Variants in PRKCH observed in about 807,000 individuals in gnomAD.
The protein encoded by PRKCH is protein kinase C eta type.
PRKCH carries 28 observed loss-of-function variants against 82.5 expected under a neutral mutation model. That is an observed-to-expected ratio of 0.34 (90% CI 0.25 to 0.47). The LOEUF is 0.47. PRKCH is among the 20% of genes least tolerant of loss of function. PRKCH has a pLI of 1.00. For missense variants in PRKCH, 705 were observed against 881.8 expected (o/e 0.80, Z 2.54); for synonymous variants, 322 against 327.4 (o/e 0.98, Z 0.18).
chr14:61,321,302 C>A (rs2045616474), upstream of PRKCH, among the ~76,000 whole-genome samples: 1 of 152,204 alleles, frequency 6.6e-6, no homozygotes, highest in Non-Finnish European at 1.5e-5. The surrounding 1 kb of genome is among the most constrained non-coding windows in gnomAD (Gnocchi z 4.1). Context: ...TCTGCGTCCT[C>A]CCAACCTTCC....
chr14:61,458,703 T>C (rs1207589130), intron 9 of PRKCH, among the ~76,000 whole-genome samples: 1 of 152,070 alleles, frequency 6.6e-6, no homozygotes, highest in Non-Finnish European at 1.5e-5. Context: ...TCAAGAAACT[T>C]ACAGTCATAG....
At chr14:61,224,122 A>C (rs1454872415) in intron 1 of PRKCH, among the ~76,000 whole-genome samples, 1 of 151,660 alleles carries the variant, frequency 6.6e-6, no homozygotes. Flanking sequence ...ACCCAGTCCC[A>C]CTCCCCTGTA....
rs569715280 is a variant in PRKCH at position 61,232,191 on chromosome 14, G to C, written c.-19+44523G>C. Among the ~76,000 whole-genome samples the C allele has an allele frequency of 2.0e-5, 3 of 152,284 alleles. No homozygotes were observed. In the East Asian group the frequency reaches 5.8e-4, roughly 29 times the overall value. On this transcript the variant is annotated intron_variant, in intron 1 of 3. Transcript: ENST00000555185. ...GTTAGAATGGCTCACAGAACACAGG[G>C]AAACACTTATGTTTACCAGTTCGTT... is the stretch of plus-strand genomic sequence containing the variant.
chr14:61,225,928 C>T (rs369975409), intron 1 of PRKCH, among the ~76,000 whole-genome samples: 2 of 151,864 alleles, frequency 1.3e-5, no homozygotes, highest in African/African-American at 2.4e-5. Context: ...TTTGTAAAGC[C>T]GGGGTTTTGT....
intron 3 of PRKCH, 108 bp downstream of exon 3, chr14:61,443,369 G>T: frequency 8.1e-7 from 1 of 1,236,342 alleles, no homozygotes; most frequent in Admixed American, 3.2e-5. Context: ...ATTCTTTCAG[G>T]ATCTGATTTT....
intron 1 of PRKCH, among the ~76,000 whole-genome samples, chr14:61,242,515 A>G (rs1232624653): frequency 6.6e-6 from 1 of 152,188 alleles, no homozygotes; most frequent in African/African-American, 2.4e-5. Context: ...CTCCTGTCCC[A>G]GCCTCCCAAG....
At chr14:61,379,930 G>A (rs1284863978) in intron 1 of PRKCH, among the ~76,000 whole-genome samples, 1 of 152,218 alleles carries the variant, frequency 6.6e-6, no homozygotes, top group Non-Finnish European at 1.5e-5. Flanking sequence ...GACACACGGT[G>A]TGGAGGGGAT....
intron 1 of PRKCH, among the ~76,000 whole-genome samples, chr14:61,271,948 G>A (rs985077100): frequency 5.3e-5 from 8 of 152,206 alleles, no homozygotes; most frequent in Admixed American, 3.9e-4. Flanking sequence ...ACATGGGGCC[G>A]GGCGCGGTGG....
At chr14:61,543,020 G>GT (rs2043208417) in intron 12 of PRKCH, among the ~76,000 whole-genome samples, 1 of 152,206 alleles carries the variant, frequency 6.6e-6, no homozygotes, top group Admixed American at 6.5e-5. Flanking sequence ...GCTCAGAGAA[G>GT]TTAAGAAATT....
rs1199452116 is a variant in PRKCH, at chr14:61,453,227, A to G, written c.834A>G (p.Ile278Met). 1.9e-6 allele frequency: 3 copies of G among 1,614,166 alleles called. No homozygotes were observed. Among genetic ancestry groups the G allele is most frequent in the Non-Finnish European group, 2.5e-6 (3 of 1,180,000 alleles). The change falls in exon 7 of 14, where the codon ATA (isoleucine) becomes ATG (methionine). Residue 278 changes from isoleucine (I) to methionine (M), a missense_variant and splice_region_variant. By Grantham distance (10) the Ile-to-Met change is conservative. Around this residue, in one of 5 missense-constraint regions of PRKCH, gnomAD observed 238 missense variants for 258.1 expected, o/e 0.92. Transcript: ENST00000332981. ...ATTCTGTTTTCCTTTTCCCTCTAGT[A>G]TGTAAAATGAATGTGCATATTCGAT... ...GIMRQGLQCK[I>M]CKMNVHIRCQ...
chr14:61,236,440 T>C (rs2044788499), intron 1 of PRKCH, among the ~76,000 whole-genome samples: 1 of 151,324 alleles, frequency 6.6e-6, no homozygotes, highest in African/African-American at 2.4e-5. Context: ...CCGGGCGCAG[T>C]AGCTCATGCC....
intron 12 of PRKCH, chr14:61,544,024 C>G (rs1052967689): frequency 5.9e-5 from 9 of 152,328 alleles, no homozygotes; most frequent in African/African-American, 7.2e-5. Flanking sequence ...GCTTCTACCC[C>G]CTTAGTATCA....
chr14:61,516,918 A>T (rs1003772978), intron 10 of PRKCH, among the ~76,000 whole-genome samples: 1 of 152,184 alleles, frequency 6.6e-6, no homozygotes, highest in Non-Finnish European at 1.5e-5. Flanking sequence ...TAAAAGTAAA[A>T]TGTGAGGTAT....
chr14:61,348,266 G>A lies in PRKCH; in HGVS notation c.363+25802G>A, dbSNP rs556443010. Among the ~76,000 whole-genome samples, 8 of 152,272 alleles carry A rather than the reference G, an allele frequency of 5.3e-5. No homozygotes were observed. In the East Asian group the frequency reaches 5.8e-4, roughly 11 times the overall value. On this transcript the variant is annotated intron_variant, in intron 1 of 13. Coordinates refer to ENST00000332981, the MANE Select transcript of PRKCH (RefSeq NM_006255.5). ...ATTGCCCATATGTTCCACATGAGTCGTCAGTGGTGCACCCAGTTTTAAAAT... is the reference window on the plus strand; with the variant it reads ...ATTGCCCATATGTTCCACATGAGTCATCAGTGGTGCACCCAGTTTTAAAAT...
intron 1 of PRKCH, among the ~76,000 whole-genome samples, chr14:61,388,147 CAA>C (rs569642184): frequency 0.15 from 13,084 of 87,794 alleles, 797 homozygotes; most frequent in East Asian, 0.32. Context: ...GACTCTGTCT[CAA>C]AAAAAAAAAA....
chr14:61,192,897 C>T (rs1397465998), intron 1 of PRKCH, among the ~76,000 whole-genome samples: 1 of 152,192 alleles, frequency 6.6e-6, no homozygotes, highest in Non-Finnish European at 1.5e-5. Flanking sequence ...AACAGAGCAA[C>T]CACTTCTAAA....
chr14:61,233,068 A>G (rs1395287019), intron 1 of PRKCH, among the ~76,000 whole-genome samples: 1 of 152,220 alleles, frequency 6.6e-6, no homozygotes, highest in Non-Finnish European at 1.5e-5. Context: ...CCTTATTACC[A>G]GAAACCAATT....
chr14:61,254,457 A>G (rs1035926043), intron 1 of PRKCH, among the ~76,000 whole-genome samples: 3 of 152,012 alleles, frequency 2.0e-5, no homozygotes, highest in Non-Finnish European at 4.4e-5. Flanking sequence ...CTACAAAAAA[A>G]TGTTTTTAAT....
chr14:61,229,303 A>G (rs1033860804), intron 1 of PRKCH, among the ~76,000 whole-genome samples: 8 of 152,182 alleles, frequency 5.3e-5, no homozygotes, highest in Non-Finnish European at 8.8e-5. Flanking sequence ...CGCTAAGTAT[A>G]CTGTACAATG....
Sources: gnomAD v4.1 joint callset for allele counts (sites outside exome capture counted in the v4.1 genomes callset) on GRCh38, gnomAD v4.1.1 for gene constraint, gnomAD v4.1.1 regional missense constraint, Gnocchi (gnomAD v3.1) non-coding constraint, MANE v1.5 for transcripts, NCBI Gene and HGNC (gene_info 2026-07-23, HGNC 2026-07-21) for gene names.